TNNI3K: variants seen among roughly 807,000 people sequenced by gnomAD.
The protein encoded by TNNI3K is TNNI3 interacting kinase, also known as serine/threonine-protein kinase TNNI3K.
A neutral mutation model predicts 114.5 loss-of-function variants in TNNI3K; 140 were observed. That is an observed-to-expected ratio of 1.22 (90% CI 1.07 to 1.41). The LOEUF is 1.41. TNNI3K is among the 40% of genes most tolerant of loss of function. The probability of loss-of-function intolerance (pLI) is 0.00; values close to 1 mark genes in which losing one functional copy is unlikely to be tolerated. For missense variants in TNNI3K, 1,125 were observed against 1,007.6 expected (o/e 1.12, Z -1.58); for synonymous variants, 347 against 347.5 (o/e 1.00, Z 0.02).
chr1:74,394,347 G>A (rs1359542995), intron 17 of TNNI3K, among the ~76,000 whole-genome samples: 2 of 152,232 alleles, frequency 1.3e-5, no homozygotes, highest in African/African-American at 2.4e-5. Flanking sequence ...TTTAGAGCGT[G>A]CTTAACCATG....
intron 23 of TNNI3K, among the ~76,000 whole-genome samples, chr1:74,517,518 G>C (rs1207381936): frequency 6.6e-6 from 1 of 152,170 alleles, no homozygotes; most frequent in Non-Finnish European, 1.5e-5. Flanking sequence ...TTTAGAATCA[G>C]AGCAGGAGTA....
At chr1:74,478,422 A>T (rs976003698) in intron 21 of TNNI3K, among the ~76,000 whole-genome samples, 18 of 152,226 alleles carry the variant, frequency 1.2e-4, no homozygotes, top group African/African-American at 4.3e-4. Context: ...CTAATAAAGA[A>T]CTGTTAATGT....
At chr1:74,375,399 G>A (rs548401139) in intron 17 of TNNI3K, 2 of 275,488 alleles carry the variant, frequency 7.3e-6, no homozygotes, top group East Asian at 1.7e-4. Flanking sequence ...TTTCCTGCCT[G>A]GGGACTACAC....
chr1:74,465,533 AG>A (rs1667636078), intron 21 of TNNI3K, among the ~76,000 whole-genome samples: 1 of 151,934 alleles, frequency 6.6e-6, no homozygotes, highest in African/African-American at 2.4e-5. Flanking sequence ...TCCATGCCCG[AG>A]TCCCCCCCCA....
chr1:74,347,399 A>C (rs1170891498), intron 9 of TNNI3K, among the ~76,000 whole-genome samples: 1 of 151,830 alleles, frequency 6.6e-6, no homozygotes, highest in African/African-American at 2.4e-5. Flanking sequence ...CTAGTCTATC[A>C]TTGTTGGACA....
intron 20 of TNNI3K, among the ~76,000 whole-genome samples, chr1:74,444,502 A>G (rs908359548): frequency 1.3e-5 from 2 of 152,162 alleles, no homozygotes; most frequent in Non-Finnish European, 2.9e-5. Context: ...TTCAAGGAGA[A>G]CTACAAACCA....
At chr1:74,505,376 C>G (rs953673272) in intron 23 of TNNI3K, among the ~76,000 whole-genome samples, 1 of 152,142 alleles carries the variant, frequency 6.6e-6, no homozygotes, top group African/African-American at 2.4e-5. Flanking sequence ...ATTTGTGTTG[C>G]GAAGCTGAAT....
At chr1:74,276,143 A>C (rs2100233046) in intron 5 of TNNI3K, among the ~76,000 whole-genome samples, 1 of 152,228 alleles carries the variant, frequency 6.6e-6, no homozygotes, top group Non-Finnish European at 1.5e-5. Context: ...TTAGCTCCAC[A>C]CATGTTGATT....
At chr1:74,377,527 G>A (rs1470146375) in intron 17 of TNNI3K, among the ~76,000 whole-genome samples, 1 of 151,856 alleles carries the variant, frequency 6.6e-6, no homozygotes, top group East Asian at 1.9e-4. Context: ...TATTGCACAT[G>A]GTTTATGTAA....
chr1:74,306,690 T>C (rs562710529), intron 5 of TNNI3K, among the ~76,000 whole-genome samples: 3 of 152,352 alleles, frequency 2.0e-5, no homozygotes, highest in African/African-American at 7.2e-5. Context: ...AAGAAGTGTC[T>C]CTTCATGTGC....
At chr1:74,271,975 A>G (rs1184487002) in intron 5 of TNNI3K, among the ~76,000 whole-genome samples, 1 of 151,924 alleles carries the variant, frequency 6.6e-6, no homozygotes, top group Non-Finnish European at 1.5e-5. Flanking sequence ...ACAACTTGCT[A>G]TTTTAACCTT....
chr1:74,333,058 C>T (rs1660295487), intron 6 of TNNI3K, among the ~76,000 whole-genome samples: 1 of 151,382 alleles, frequency 6.6e-6, no homozygotes, highest in African/African-American at 2.4e-5. Flanking sequence ...CACTCTTCCT[C>T]ACTTTGTCTT....
chr1:74,489,611 T>C (rs1426230008), intron 22 of TNNI3K, among the ~76,000 whole-genome samples: 1 of 152,248 alleles, frequency 6.6e-6, no homozygotes, highest in Non-Finnish European at 1.5e-5. Context: ...TAAGCCATTG[T>C]TCATTTACAT....
intron 11 of TNNI3K, among the ~76,000 whole-genome samples, chr1:74,363,971 G>GTATTATTAT (rs368456076): frequency 0.052 from 7,105 of 135,346 alleles, 189 homozygotes; most frequent in Admixed American, 0.07. Context: ...CAGATGAGGG[G>GTATTATTAT]TATTATTATT....
chr1:74,292,462 C>A (rs1307350937), intron 5 of TNNI3K, among the ~76,000 whole-genome samples: 1 of 151,324 alleles, frequency 6.6e-6, no homozygotes, highest in Admixed American at 6.6e-5. Flanking sequence ...TCTTTTTGGA[C>A]CCATAAATTA....
chr1:74,249,377 G>A, intron 2 of TNNI3K, 82 bp from the exon 3 acceptor site: 2 of 1,391,198 alleles, frequency 1.4e-6, no homozygotes, highest in Non-Finnish European at 2.0e-6. Flanking sequence ...GATAGTAACA[G>A]GATTTGCATT....
At chr1:74,517,654 T>C (rs1646368542) in intron 23 of TNNI3K, among the ~76,000 whole-genome samples, 1 of 152,208 alleles carries the variant, frequency 6.6e-6, no homozygotes, top group Admixed American at 6.5e-5. Context: ...TTAGGTTCTA[T>C]TTCATTGATG....
chr1:74,319,502 T>C (rs1192654359), intron 5 of TNNI3K, among the ~76,000 whole-genome samples: 1 of 152,176 alleles, frequency 6.6e-6, no homozygotes, highest in Non-Finnish European at 1.5e-5. Flanking sequence ...GATGGATTCA[T>C]AGAGAGATGG....
intron 2 of TNNI3K, among the ~76,000 whole-genome samples, chr1:74,237,544 G>A (rs1225974632): frequency 6.6e-6 from 1 of 151,940 alleles, no homozygotes; most frequent in East Asian, 1.9e-4. Flanking sequence ...TGAGCACATA[G>A]GTGAAGGCTA....
Sources: gnomAD v4.1 joint callset for allele counts (sites outside exome capture counted in the v4.1 genomes callset) on GRCh38, gnomAD v4.1.1 for gene constraint, MANE v1.5 for transcripts, NCBI Gene and HGNC (gene_info 2026-07-23, HGNC 2026-07-21) for gene names.